STAG1: variants seen among roughly 807,000 people sequenced by gnomAD.
The protein encoded by STAG1 is STAG1 cohesin complex component, also known as cohesin subunit SA-1.
Under a neutral mutation model 170.9 loss-of-function variants are expected in STAG1, and 26 were observed. The ratio of observed to expected loss-of-function variants is 0.15; its 90% CI spans 0.11 to 0.21. The LOEUF (loss-of-function observed/expected upper bound fraction) is 0.21, where lower values mean the gene tolerates loss of function less well. Ranked by LOEUF, STAG1 falls within the 10% of genes least tolerant of loss-of-function variation. The probability of loss-of-function intolerance (pLI) is 1.00; values close to 1 mark genes in which losing one functional copy is unlikely to be tolerated. For synonymous variants in STAG1, 514 were observed against 497.7 expected, an observed-to-expected ratio of 1.03 and a Z score of -0.44; for missense variants, 964 against 1,509.5, an observed-to-expected ratio of 0.64 and a Z score of 5.99.
chr3:136,435,350 A>G lies in STAG1; in HGVS notation c.1547-1691T>C, dbSNP rs572606309. 1.8e-3 allele frequency among the ~76,000 whole-genome samples: 280 copies of G among 152,334 alleles called. 1 individual carries two copies. Among genetic ancestry groups the G allele is most frequent in the African/African-American group, 5.7e-3 (236 of 41,576 alleles). ...GGGAGAATGAGCCACAGAAAAATGC[A>G]CTTAGCTAGCAGTAGAGCATTCAAA... is the stretch of plus-strand genomic sequence containing the variant. On this transcript the variant is annotated intron_variant, in intron 15 of 33. Coordinates refer to ENST00000383202, the MANE Select transcript of STAG1 (RefSeq NM_005862.3).
intron 1 of STAG1, among the ~76,000 whole-genome samples, chr3:136,666,580 G>T (rs528044874): frequency 6.6e-6 from 1 of 152,252 alleles, no homozygotes; most frequent in African/African-American, 2.4e-5. Context: ...CACTTTGGGA[G>T]GCCGAGGTGG....
At chr3:136,451,954 T>A (rs1347548527) in intron 14 of STAG1, 79 bp downstream of exon 14, 3 of 938,756 alleles carry the variant, frequency 3.2e-6, no homozygotes, top group East Asian at 2.7e-5. Context: ...TTTATTTGAT[T>A]GAAAAAAATT....
intron 1 of STAG1, among the ~76,000 whole-genome samples, chr3:136,751,263 G>T (rs1935219677): frequency 6.6e-6 from 1 of 150,730 alleles, no homozygotes; most frequent in Admixed American, 6.6e-5. Flanking sequence ...AATGTGAAGA[G>T]AATCGACAGA....
chr3:136,656,393 C>G (rs190655302), intron 1 of STAG1, among the ~76,000 whole-genome samples: 1 of 151,980 alleles, frequency 6.6e-6, no homozygotes, highest in Non-Finnish European at 1.5e-5. Context: ...TTTAATACCA[C>G]TAAACTATAC....
intron 20 of STAG1, among the ~76,000 whole-genome samples, chr3:136,419,905 A>G (rs966443026): frequency 6.6e-6 from 1 of 152,158 alleles, no homozygotes; most frequent in African/African-American, 2.4e-5. Flanking sequence ...TATTCATTAC[A>G]TTAAGTGATA....
At chr3:136,597,612 A>G (rs1159544142) in intron 4 of STAG1, among the ~76,000 whole-genome samples, 1 of 152,054 alleles carries the variant, frequency 6.6e-6, no homozygotes, top group Non-Finnish European at 1.5e-5. Context: ...ACTTGTTCTA[A>G]TTGGTTATTA....
chr3:136,545,765 T>G (rs1475497034), intron 5 of STAG1, among the ~76,000 whole-genome samples: 1 of 152,118 alleles, frequency 6.6e-6, no homozygotes, highest in African/African-American at 2.4e-5. Context: ...TTGATACTTA[T>G]AAATTTTTTA....
chr3:136,520,437 A>T (rs1934616864), intron 7 of STAG1, among the ~76,000 whole-genome samples: 2 of 152,176 alleles, frequency 1.3e-5, no homozygotes, highest in Non-Finnish European at 2.9e-5. Flanking sequence ...GTAATTTGGG[A>T]GTATTTAAAC....
intron 9 of STAG1, among the ~76,000 whole-genome samples, chr3:136,498,284 T>TACACACAC (rs71157390): frequency 4.6e-5 from 4 of 87,072 alleles, no homozygotes; most frequent in East Asian, 3.3e-4. Flanking sequence ...CACACACACA[T>TACACACAC]ACACACACAC....
At chr3:136,396,845 G>C (rs2087177985) in intron 22 of STAG1, among the ~76,000 whole-genome samples, 1 of 152,034 alleles carries the variant, frequency 6.6e-6, no homozygotes, top group Non-Finnish European at 1.5e-5. Flanking sequence ...TTTTAAAGTG[G>C]CTTTCATTAC....
chr3:136,729,682 C>T (rs1027939529), intron 1 of STAG1, among the ~76,000 whole-genome samples: 51 of 149,784 alleles, frequency 3.4e-4, no homozygotes, highest in African/African-American at 1.2e-3. Context: ...AAGTGATTCT[C>T]CTGCCTCAGC....
At chr3:136,377,171 G>A (rs1166331659) in intron 23 of STAG1, among the ~76,000 whole-genome samples, 8 of 148,570 alleles carry the variant, frequency 5.4e-5, no homozygotes, top group Admixed American at 3.3e-4. Context: ...AGGCTGAGGC[G>A]GGCTGATCAC....
intron 21 of STAG1, among the ~76,000 whole-genome samples, chr3:136,403,996 T>C (rs1031791920): frequency 2.6e-5 from 4 of 152,220 alleles, no homozygotes; most frequent in Admixed American, 2.0e-4. Context: ...TATAACAATA[T>C]AGCTTATCAG....
At chr3:136,714,955 ATATATATATTTTATATATATATTTT>A (rs1333439773) in intron 1 of STAG1, among the ~76,000 whole-genome samples, 2 of 68,218 alleles carry the variant, frequency 2.9e-5, no homozygotes, top group Admixed American at 1.6e-4. Flanking sequence ...ATATATATAT[ATATATATATTTTATATATATATTTT>A]TATATATATA....
intron 1 of STAG1, among the ~76,000 whole-genome samples, chr3:136,720,399 C>G (rs1933172612): frequency 6.6e-6 from 1 of 152,118 alleles, no homozygotes; most frequent in South Asian, 2.1e-4. Flanking sequence ...CAGTTTGTCT[C>G]CAACACAGTC....
chr3:136,452,269 A>G, intron 13 of STAG1, 122 bp from the exon 14 acceptor site: 1 of 653,128 alleles, frequency 1.5e-6, no homozygotes, highest in South Asian at 1.7e-5. Flanking sequence ...AGGGAGAACG[A>G]GCATCAGAGA....
At chr3:136,386,211 C>T (rs976326239) in intron 22 of STAG1, among the ~76,000 whole-genome samples, 5 of 152,018 alleles carry the variant, frequency 3.3e-5, no homozygotes, top group East Asian at 1.9e-4. Context: ...TGGTGGTGCA[C>T]GCCTGTAATC....
intron 7 of STAG1, among the ~76,000 whole-genome samples, chr3:136,508,701 A>T (rs1030777872): frequency 1.1e-4 from 17 of 152,198 alleles, no homozygotes; most frequent in African/African-American, 3.6e-4. Context: ...ATAAATAAAT[A>T]AGTAAATAAA....
intron 4 of STAG1, among the ~76,000 whole-genome samples, chr3:136,600,045 A>G (rs1388603908): frequency 6.6e-6 from 1 of 152,228 alleles, no homozygotes; most frequent in East Asian, 1.9e-4. Flanking sequence ...CCAAATGAAC[A>G]GACATTTCAA....
Sources: gnomAD v4.1 joint callset for allele counts (sites outside exome capture counted in the v4.1 genomes callset) on GRCh38, gnomAD v4.1.1 for gene constraint, MANE v1.5 for transcripts, NCBI Gene and HGNC (gene_info 2026-07-23, HGNC 2026-07-21) for gene names.